Variants in ZNF93 observed in about 807,000 individuals in gnomAD.
ZNF93 encodes zinc finger protein 505.
In ZNF93, 29 loss-of-function variants were observed where a neutral mutation model predicts 45.0. The ratio of observed to expected loss-of-function variants is 0.64; its 90% CI spans 0.48 to 0.88. The LOEUF (loss-of-function observed/expected upper bound fraction) is 0.88. Among genes scored for constraint, ZNF93 ranks in the 40% least tolerant of loss-of-function variants. ZNF93 has a pLI of 0.00. For synonymous variants in ZNF93, 223 were observed against 244.6 expected (o/e 0.91, Z 0.82); for missense variants, 578 against 724.0 (o/e 0.80, Z 2.31).
chr19:19,933,625 A>G lies in ZNF93; in HGVS notation c.670A>G (p.Thr224Ala). The G allele has an allele frequency of 6.2e-7, 1 of 1,610,874 alleles. No homozygotes were observed. Among genetic ancestry groups the G allele is most frequent in the Non-Finnish European group, 8.5e-7 (1 of 1,178,610 alleles). ...SALNTHKRIH[T>A]GEKPYKCDKC... ...CCTTAATACACATAAGAGAATTCATACTGGAGAGAAACCATACAAGTGTGA... is the reference window on the plus strand; with the variant it reads ...CCTTAATACACATAAGAGAATTCATGCTGGAGAGAAACCATACAAGTGTGA... The change falls in exon 4 of 4, where the codon ACT becomes GCT. Residue 224 changes from threonine to alanine, a missense_variant. Coordinates refer to ENST00000343769, the MANE Select transcript of ZNF93 (RefSeq NM_031218.4).
intron 3 of ZNF93, among the ~76,000 whole-genome samples, chr19:19,924,256 T>A (rs530782137): frequency 2.6e-5 from 4 of 152,064 alleles, no homozygotes; most frequent in African/African-American, 7.2e-5. Context: ...CCTGGCTAAT[T>A]TTTTGTAATT....
intron 3 of ZNF93, among the ~76,000 whole-genome samples, chr19:19,925,422 G>T (rs544868358): frequency 6.6e-6 from 1 of 152,242 alleles, no homozygotes; most frequent in African/African-American, 2.4e-5. Flanking sequence ...TCTCATAAAG[G>T]CATGTTTGTC....
Position 19,934,282 on chromosome 19 carries a change from CAT to C in ZNF93, c.1328_1329del (p.His443ArgfsTer13), listed in dbSNP as rs1457675454. 1.2e-6 allele frequency: 2 copies of C among 1,612,952 alleles called. No individual in the cohort carries two copies. The highest frequency in any genetic ancestry group is 1.7e-5 in the Admixed American group (1 of 59,302). ...AFVASSTLSKHEIIHTGKKPY... is the reference protein window; with the variant it reads ...AFVASSTLSKXEIIHTGKKPY... Reference sequence around the variant, plus strand: ...TGTTGCATCCTCAACCCTTAGTAAACATGAGATCATTCATACTGGAAAGAAAC... The same window carrying C: ...TGTTGCATCCTCAACCCTTAGTAAACGAGATCATTCATACTGGAAAGAAAC... On this transcript the variant is annotated frameshift_variant, in exon 4 of 4. Transcript: ENST00000343769. LOFTEE classifies it high-confidence loss of function.
Position 19,935,226 on chromosome 19 carries a change from C to A in ZNF93, c.*408C>A. 1 of 178,442 alleles carries A rather than the reference C, an allele frequency of 5.6e-6. No homozygotes were observed. The highest frequency in any genetic ancestry group is 1.2e-5 in the Non-Finnish European group (1 of 84,304). 11.1% of individuals were successfully genotyped at this position (178,442 alleles called of 1,614,324 possible). On this transcript the variant is annotated 3_prime_UTR_variant, in exon 4 of 4. Transcript: ENST00000343769. Reference sequence around the variant, plus strand: ...AGTGTCTGCCGTACAGAGTGAAGTCCTGAAGGATATTTAGTCTGTCCAAAA... The same window carrying A: ...AGTGTCTGCCGTACAGAGTGAAGTCATGAAGGATATTTAGTCTGTCCAAAA...
intron 3 of ZNF93, among the ~76,000 whole-genome samples, chr19:19,930,995 G>A (rs546421321): frequency 6.6e-6 from 1 of 151,674 alleles, no homozygotes; most frequent in East Asian, 1.9e-4. Context: ...CTCAATTGTG[G>A]TTGCTATTTT....
intron 3 of ZNF93, among the ~76,000 whole-genome samples, chr19:19,920,182 G>A (rs919169152): frequency 6.6e-6 from 1 of 152,144 alleles, no homozygotes; most frequent in Non-Finnish European, 1.5e-5. Flanking sequence ...TTTTGTCAAA[G>A]GCCTTTTCTG....
chr19:19,913,892 G>T (rs142066795), intron 1 of ZNF93, among the ~76,000 whole-genome samples: 38 of 152,276 alleles, frequency 2.5e-4, no homozygotes, highest in Admixed American at 3.9e-4. Context: ...CTGCCTCCTG[G>T]ACTGCCATGC....
chr19:19,911,165 G>C (rs1246770943), intron 1 of ZNF93, among the ~76,000 whole-genome samples: 3 of 152,156 alleles, frequency 2.0e-5, no homozygotes, highest in Admixed American at 6.5e-5. Flanking sequence ...AATCAGAATG[G>C]GTGATCCAGG....
intron 3 of ZNF93, chr19:19,932,068 G>T: frequency 3.2e-6 from 1 of 310,060 alleles, no homozygotes; most frequent in Non-Finnish European, 6.2e-6. Flanking sequence ...GAGGTCAGGA[G>T]ATCGAGACCA....
chr19:19,931,443 A>G (rs1373445824), intron 3 of ZNF93, among the ~76,000 whole-genome samples: 1 of 152,134 alleles, frequency 6.6e-6, no homozygotes, highest in Non-Finnish European at 1.5e-5. Context: ...TGCCTGCCTC[A>G]GCCTCCCAAA....
In ZNF93 at chr19:19,933,654, A is replaced by G; in HGVS notation, c.699A>G (p.Lys233=). Residue 233 remains lysine, a synonymous_variant, in exon 4 of 4, where the codon AAA becomes AAG. Transcript: ENST00000343769. ...GAGAGAAACCATACAAGTGTGATAAATGTGACAAAGCCTTTATTGCATCCT... is the reference window on the plus strand; with the variant it reads ...GAGAGAAACCATACAAGTGTGATAAGTGTGACAAAGCCTTTATTGCATCCT... The part of the protein sequence containing the change: ...HTGEKPYKCD[K]CDKAFIASST... The G allele has an allele frequency of 6.2e-7, 1 of 1,612,418 alleles. No individual in the cohort carries two copies. Among genetic ancestry groups the G allele is most frequent in the South Asian group, 1.1e-5 (1 of 90,880 alleles).
At chr19:19,918,425 T>A (rs2063331512) in intron 3 of ZNF93, among the ~76,000 whole-genome samples, 1 of 152,326 alleles carries the variant, frequency 6.6e-6, no homozygotes, top group Middle Eastern at 3.4e-3. Context: ...TGTGCATGTG[T>A]CTTTATAGCA....
intron 1 of ZNF93, among the ~76,000 whole-genome samples, chr19:19,903,808 C>T (rs1406091313): frequency 1.3e-5 from 2 of 151,548 alleles, no homozygotes; most frequent in Non-Finnish European, 2.9e-5. Context: ...CGGTGGCTCA[C>T]ACCTGTAATC....
Position 19,919,385 on chromosome 19 carries a change from A to G in ZNF93, c.226+2730A>G, listed in dbSNP as rs368906324. Among the ~76,000 whole-genome samples, 933 of 152,172 alleles carry G rather than the reference A, an allele frequency of 6.1e-3. 11 individuals are homozygous for G. Among genetic ancestry groups the G allele is most frequent in the African/African-American group, 0.02 (848 of 41,514 alleles). The stretch of plus-strand genomic sequence containing the variant: ...GTAGTATAGTTTGAAGTCAGGTAGC[A>G]TGATGCCTCCAGCTTTGTTCTTTTG... On this transcript the variant is annotated intron_variant, in intron 3 of 3. Transcript: ENST00000343769.
chr19:19,902,846 C>G (rs1346096225), intron 1 of ZNF93, among the ~76,000 whole-genome samples: 1 of 151,414 alleles, frequency 6.6e-6, no homozygotes, highest in East Asian at 2.0e-4. Context: ...ACGCCATTCT[C>G]CTGCCTGAGC....
At chr19:19,923,956 T>G (rs1207795969) in intron 3 of ZNF93, among the ~76,000 whole-genome samples, 2 of 152,228 alleles carry the variant, frequency 1.3e-5, no homozygotes, top group Non-Finnish European at 2.9e-5. Context: ...CCCAGTGAGA[T>G]GAACCCGGTA....
chr19:19,912,326 TC>T (rs1179781160), intron 1 of ZNF93, among the ~76,000 whole-genome samples: 3 of 151,746 alleles, frequency 2.0e-5, no homozygotes, highest in African/African-American at 7.3e-5. Context: ...TTCAGATTCA[TC>T]CTTTTTGGAG....
chr19:19,928,409 AGT>A (rs1368697045), intron 3 of ZNF93, among the ~76,000 whole-genome samples: 1 of 152,196 alleles, frequency 6.6e-6, no homozygotes, highest in Admixed American at 6.5e-5. Flanking sequence ...TATATTGAAG[AGT>A]GTGTTTCATA....
In ZNF93 at chr19:19,934,363, A is replaced by G; in HGVS notation, c.1408A>G (p.Lys470Glu). The change falls in exon 4 of 4, where the codon AAA becomes GAA. Residue 470 changes from lysine (K) to glutamate (E), a missense_variant. By Grantham distance (56) the Lys-to-Glu change is moderately conservative. Around this residue, in one of 3 missense-constraint regions of ZNF93, gnomAD observed 446 missense variants for 547.6 expected, o/e 0.81. Coordinates refer to ENST00000343769, the MANE Select transcript of ZNF93 (RefSeq NM_031218.4). ...KAFNQSSSLT[K>E]HKKIHTGEKP... ...TTTTAACCAGTCCTCATCCCTTACTAAACATAAGAAAATTCATACTGGAGA... is the reference window on the plus strand; with the variant it reads ...TTTTAACCAGTCCTCATCCCTTACTGAACATAAGAAAATTCATACTGGAGA... 6.2e-7 allele frequency: 1 copy of G among 1,613,778 alleles called. No homozygotes were observed. Among genetic ancestry groups the G allele is most frequent in the Non-Finnish European group, 8.5e-7 (1 of 1,179,946 alleles).
Sources: allele counts gnomAD v4.1 joint callset (sites outside exome capture counted in the v4.1 genomes callset), GRCh38; gene constraint gnomAD v4.1.1; regional missense constraint gnomAD v4.1.1; transcripts MANE v1.5; gene names NCBI Gene and HGNC (gene_info 2026-07-23, HGNC 2026-07-21).